MCF2L2: variants seen among roughly 807,000 people sequenced by gnomAD.
MCF2L2 encodes the protein probable guanine nucleotide exchange factor MCF2L2.
Under a neutral mutation model 150.2 loss-of-function variants are expected in MCF2L2, and 102 were observed. The observed-to-expected ratio is 0.68, with a 90% confidence interval of 0.58 to 0.80. The LOEUF (loss-of-function observed/expected upper bound fraction) is 0.80, where lower values mean the gene tolerates loss of function less well. Among genes scored for constraint, MCF2L2 ranks in the 30% least tolerant of loss-of-function variants. The probability of loss-of-function intolerance (pLI) is 0.00; values close to 1 mark genes in which losing one functional copy is unlikely to be tolerated. For synonymous variants in MCF2L2, 465 were observed against 491.3 expected, an observed-to-expected ratio of 0.95 and a Z score of 0.71; for missense variants, 1,256 against 1,372.8, an observed-to-expected ratio of 0.91 and a Z score of 1.34.
intron 15 of MCF2L2, among the ~76,000 whole-genome samples, chr3:183,257,252 GAGAGGCAC>G (rs1157278003): frequency 6.6e-6 from 1 of 152,120 alleles, no homozygotes; most frequent in Admixed American, 6.5e-5. Context: ...CTAGTAAATG[GAGAGGCAC>G]AGTATACATC....
chr3:183,193,035 TGCTAGTGGTA>T lies in MCF2L2; in HGVS notation c.2970_2979del (p.Thr991ArgfsTer41), dbSNP rs1289789227. 1 of 1,614,210 alleles carries T rather than the reference TGCTAGTGGTA, an allele frequency of 6.2e-7. No individual in the cohort carries two copies. The highest frequency in any genetic ancestry group is 1.3e-5 in the African/African-American group (1 of 75,056). Reference sequence around the variant, plus strand: ...CCTGTGCTGGAGGCCGGGTCTTCCTTGCTAGTGGTAGCTCTTTCCATATTTTTAATCCATG... The same window carrying T: ...CCTGTGCTGGAGGCCGGGTCTTCCTTGCTCTTTCCATATTTTTAATCCATG... On this transcript the variant is annotated frameshift_variant, in exon 27 of 30. Transcript: ENST00000328913. LOFTEE classifies it high-confidence loss of function.
At chr3:183,257,182 T>C (rs1210565254) in intron 15 of MCF2L2, among the ~76,000 whole-genome samples, 1 of 152,218 alleles carries the variant, frequency 6.6e-6, no homozygotes, top group Non-Finnish European at 1.5e-5. Flanking sequence ...CAACAAGTTA[T>C]CTCAAATGAT....
chr3:183,346,672 A>G (rs1298203956), intron 3 of MCF2L2, among the ~76,000 whole-genome samples: 1 of 152,232 alleles, frequency 6.6e-6, no homozygotes, highest in Non-Finnish European at 1.5e-5. Flanking sequence ...CCATAGTCTC[A>G]GCCCAAAAAC....
At chr3:183,209,184 C>T (rs1722600551) in intron 22 of MCF2L2, among the ~76,000 whole-genome samples, 1 of 152,238 alleles carries the variant, frequency 6.6e-6, no homozygotes, top group Non-Finnish European at 1.5e-5. Context: ...GTAATCACTA[C>T]AGACCTTAGT....
chr3:183,318,259 T>C (rs1577060016), intron 6 of MCF2L2, 42 bp from the exon 7 acceptor site: 1 of 1,603,226 alleles, frequency 6.2e-7, no homozygotes, highest in East Asian at 2.2e-5. Flanking sequence ...GAGATTAACA[T>C]TCACCAACAT....
Position 183,267,224 on chromosome 3 carries a change from A to AAT in MCF2L2, c.1862+9647_1862+9648insAT, listed in dbSNP as rs1284132952. 6.6e-6 allele frequency among the ~76,000 whole-genome samples: 1 copy of AAT among 152,172 alleles called. No individual in the cohort carries two copies. Among genetic ancestry groups the AAT allele is most frequent in the African/African-American group, 2.4e-5 (1 of 41,422 alleles). The stretch of plus-strand genomic sequence containing the variant: ...GTACACTCTGTATTTAAAAAAAAAA[A>AAT]TGCTGGTTGTGGCTTCCTAAGTGGT... On this transcript the variant is annotated intron_variant, in intron 15 of 29. Coordinates refer to ENST00000328913, the MANE Select transcript of MCF2L2 (RefSeq NM_015078.4). This position sits in a 1 kb window ranked among gnomAD's most constrained non-coding sequence, Gnocchi z 5.5.
chr3:183,363,768 T>C (rs1281967352), intron 3 of MCF2L2, among the ~76,000 whole-genome samples: 2 of 152,146 alleles, frequency 1.3e-5, no homozygotes, highest in Admixed American at 6.5e-5. Flanking sequence ...TTTAATATAC[T>C]ACTTTAAGTA....
chr3:183,309,256 A>G (rs116773274), intron 10 of MCF2L2, among the ~76,000 whole-genome samples: 3,019 of 139,424 alleles, frequency 0.022, 49 homozygotes, highest in Non-Finnish European at 0.029. Flanking sequence ...CTCCAGGTAT[A>G]AAACTAGTTG....
intron 3 of MCF2L2, among the ~76,000 whole-genome samples, chr3:183,348,800 C>CT (rs60649100): frequency 0.13 from 19,559 of 152,052 alleles, 1,336 homozygotes; most frequent in African/African-American, 0.14. Flanking sequence ...ATAAAAGGGC[C>CT]TTTTTATCAG....
intron 27 of MCF2L2, among the ~76,000 whole-genome samples, chr3:183,192,095 C>T (rs1403509312): frequency 5.3e-5 from 8 of 150,634 alleles, no homozygotes; most frequent in African/African-American, 9.7e-5. Context: ...GTGATCCTCC[C>T]GCCTCAGCCT....
Position 183,297,208 on chromosome 3 carries a change from A to G in MCF2L2, c.1306-41T>C, listed in dbSNP as rs1459392249. 3 of 1,562,010 alleles carry G rather than the reference A, an allele frequency of 1.9e-6. No homozygotes were observed. In the East Asian group the frequency reaches 6.7e-5, roughly 35 times the overall value. ...AGTGCCCTGTGCACTTCGCCTGACC[A>G]CAACTCAGAGCCACCGTAATCCTCA... On this transcript the variant is annotated intron_variant, in intron 11 of 29. Coordinates refer to ENST00000328913, the MANE Select transcript of MCF2L2 (RefSeq NM_015078.4).
intron 3 of MCF2L2, among the ~76,000 whole-genome samples, chr3:183,349,101 C>T (rs538519245): frequency 2.6e-5 from 4 of 152,326 alleles, no homozygotes; most frequent in Non-Finnish European, 5.9e-5. Context: ...ACAAATTTTA[C>T]ATGATGCTAA....
intron 5 of MCF2L2, among the ~76,000 whole-genome samples, chr3:183,333,564 A>C (rs967698472): frequency 1.3e-5 from 2 of 152,188 alleles, no homozygotes; most frequent in South Asian, 4.1e-4. Context: ...ATCTATGCAC[A>C]ATCATACATA....
intron 1 of MCF2L2, among the ~76,000 whole-genome samples, chr3:183,398,792 T>C (rs1194761344): frequency 6.6e-6 from 1 of 152,188 alleles, no homozygotes; most frequent in Non-Finnish European, 1.5e-5. Context: ...AAAGGTCTTT[T>C]AGATACTCAC....
intron 27 of MCF2L2, among the ~76,000 whole-genome samples, chr3:183,182,060 G>A (rs1721543559): frequency 6.6e-6 from 1 of 152,168 alleles, no homozygotes; most frequent in Non-Finnish European, 1.5e-5. Context: ...GGAAGGGAAG[G>A]GGGCACAGCG....
At chr3:183,287,396 C>G (rs1445311922) in intron 14 of MCF2L2, 1 of 152,078 alleles carries the variant, frequency 6.6e-6, no homozygotes, top group African/African-American at 2.4e-5. Context: ...AGCTCAGGGG[C>G]CAAATCTGAG....
At chr3:183,230,027 A>T (rs1039446312) in intron 16 of MCF2L2, among the ~76,000 whole-genome samples, 9 of 152,212 alleles carry the variant, frequency 5.9e-5, no homozygotes, top group Non-Finnish European at 8.8e-5. Flanking sequence ...AAATATATTT[A>T]AAAATGTTTA....
intron 2 of MCF2L2, among the ~76,000 whole-genome samples, chr3:183,381,459 G>A (rs372615706): frequency 1.3e-5 from 2 of 152,216 alleles, no homozygotes; most frequent in African/African-American, 4.8e-5. Context: ...CTCCAAGCCT[G>A]ATAAGAATCT....
chr3:183,353,681 A>C (rs1711601945), intron 3 of MCF2L2, among the ~76,000 whole-genome samples: 1 of 152,012 alleles, frequency 6.6e-6, no homozygotes, highest in Admixed American at 6.6e-5. Flanking sequence ...CCAAAGGGGA[A>C]ATCTGCCCCC....
Sources: allele counts gnomAD v4.1 joint callset (sites outside exome capture counted in the v4.1 genomes callset), GRCh38; gene constraint gnomAD v4.1.1; non-coding constraint Gnocchi (gnomAD v3.1); transcripts MANE v1.5; gene names NCBI Gene and HGNC (gene_info 2026-07-23, HGNC 2026-07-21).